TTC28: variants seen among roughly 807,000 people sequenced by gnomAD.
TTC28 encodes the protein tetratricopeptide repeat protein 28.
Under a neutral mutation model 198.0 loss-of-function variants are expected in TTC28, and 61 were observed. The ratio of observed to expected loss-of-function variants is 0.31; its 90% CI spans 0.25 to 0.38. TTC28 has a LOEUF of 0.38. TTC28 is among the 10% of genes least tolerant of loss of function. TTC28 has a pLI of 1.00. For missense variants in TTC28, 2,678 were observed against 3,164.0 expected, an observed-to-expected ratio of 0.85 and a Z score of 3.69; for synonymous variants, 1,171 against 1,297.8, an observed-to-expected ratio of 0.90 and a Z score of 2.10.
intron 12 of TTC28, among the ~76,000 whole-genome samples, chr22:28,084,623 C>A (rs537907380): frequency 9.0e-4 from 137 of 152,246 alleles, no homozygotes; most frequent in African/African-American, 3.2e-3. Context: ...TCCAAAGAAA[C>A]GCAGCTCCTC....
At chr22:27,996,436 C>G in intron 16 of TTC28, 177 bp from the exon 17 acceptor site, 1 of 791,502 alleles carries the variant, frequency 1.3e-6, no homozygotes, top group Non-Finnish European at 1.9e-6. Flanking sequence ...GATGTGGCAC[C>G]CTTTTGTCCC....
intron 2 of TTC28, among the ~76,000 whole-genome samples, chr22:28,337,319 G>T: frequency 6.6e-6 from 1 of 152,218 alleles, no homozygotes; most frequent in Non-Finnish European, 1.5e-5. Flanking sequence ...ATATTCTGTT[G>T]ATTTGGGGTG....
intron 2 of TTC28, among the ~76,000 whole-genome samples, chr22:28,341,168 T>C (rs2145906705): frequency 6.6e-6 from 1 of 152,296 alleles, no homozygotes; most frequent in East Asian, 1.9e-4. Context: ...TTCAGATGAA[T>C]TGAAGATAAA....
At chr22:28,284,578 G>C (rs943477318) in intron 5 of TTC28, among the ~76,000 whole-genome samples, 8 of 151,706 alleles carry the variant, frequency 5.3e-5, no homozygotes, top group African/African-American at 1.9e-4. Flanking sequence ...AAATGAAAAG[G>C]CAATCTACGG....
intron 13 of TTC28, chr22:28,029,099 G>A (rs924241497): frequency 1.3e-5 from 6 of 471,068 alleles, no homozygotes; most frequent in South Asian, 3.1e-5. Context: ...CCAGGCCTCC[G>A]CAAACCTGGT....
chr22:28,074,512 AG>A (rs1196621692), intron 12 of TTC28, among the ~76,000 whole-genome samples: 1 of 152,206 alleles, frequency 6.6e-6, no homozygotes, highest in Non-Finnish European at 1.5e-5. Flanking sequence ...AAGAGATAAA[AG>A]TCTGTTTCGT....
At chr22:28,653,158 C>T (rs376909878) in intron 1 of TTC28, among the ~76,000 whole-genome samples, 314 of 152,226 alleles carry the variant, frequency 2.1e-3, no homozygotes, top group Middle Eastern at 6.8e-3. Flanking sequence ...AATAAGCCTG[C>T]CATAAATTCC....
At chr22:28,168,212 G>A (rs541546790) in intron 5 of TTC28, among the ~76,000 whole-genome samples, 13 of 152,310 alleles carry the variant, frequency 8.5e-5, no homozygotes, top group African/African-American at 3.1e-4. Flanking sequence ...CTCATGGATA[G>A]GAAGAATCAA....
chr22:28,337,167 T>C (rs941348451), intron 2 of TTC28, among the ~76,000 whole-genome samples: 17 of 152,230 alleles, frequency 1.1e-4, no homozygotes, highest in Admixed American at 6.5e-5. Flanking sequence ...AGTTTCTTAA[T>C]CCTGAGATCT....
At chr22:28,503,830 C>T (rs1039657976) in intron 2 of TTC28, among the ~76,000 whole-genome samples, 6 of 152,132 alleles carry the variant, frequency 3.9e-5, no homozygotes, top group East Asian at 1.9e-4. Flanking sequence ...ACTGATCTCA[C>T]GATTGTCAGT....
intron 2 of TTC28, among the ~76,000 whole-genome samples, chr22:28,477,870 G>C (rs1045178294): frequency 6.6e-6 from 1 of 152,180 alleles, no homozygotes; most frequent in Non-Finnish European, 1.5e-5. Context: ...TTAAGGAAAA[G>C]ACATGTGGGA....
intron 2 of TTC28, among the ~76,000 whole-genome samples, chr22:28,321,713 T>G (rs1425497763): frequency 6.6e-6 from 1 of 152,150 alleles, no homozygotes; most frequent in East Asian, 1.9e-4. Context: ...TAGAAAAAGT[T>G]TTGGAAAATA....
At chr22:28,081,055 TGTCA>T (rs1941335699) in intron 12 of TTC28, among the ~76,000 whole-genome samples, 1 of 152,118 alleles carries the variant, frequency 6.6e-6, no homozygotes, top group Non-Finnish European at 1.5e-5. Context: ...TGTCTGTTTA[TGTCA>T]GTATCATATT....
chr22:28,582,179 C>T (rs926111170), intron 2 of TTC28, among the ~76,000 whole-genome samples: 41 of 151,996 alleles, frequency 2.7e-4, no homozygotes, highest in African/African-American at 9.7e-4. Context: ...CTGTCTAGTG[C>T]TGGAACTTAG....
chr22:28,567,295 G>A (rs1178267441), intron 2 of TTC28, among the ~76,000 whole-genome samples: 1 of 147,812 alleles, frequency 6.8e-6, no homozygotes, highest in Non-Finnish European at 1.5e-5. Flanking sequence ...AGGCTGATGT[G>A]AGAGGATCAA....
intron 2 of TTC28, among the ~76,000 whole-genome samples, chr22:28,442,035 G>A (rs1471445683): frequency 6.6e-6 from 1 of 152,048 alleles, no homozygotes; most frequent in African/African-American, 2.4e-5. Context: ...CTCCCTCGAC[G>A]TCCTAGGGTA....
intron 2 of TTC28, among the ~76,000 whole-genome samples, chr22:28,370,867 A>T (rs2046321666): frequency 6.6e-6 from 1 of 152,210 alleles, no homozygotes; most frequent in South Asian, 2.1e-4. Flanking sequence ...TGACTTTGTT[A>T]GAAGGCGGAA....
chr22:28,499,800 A>T (rs1997958), intron 2 of TTC28, among the ~76,000 whole-genome samples: 2 of 152,058 alleles, frequency 1.3e-5, no homozygotes, highest in Non-Finnish European at 2.9e-5. Context: ...ATTTTTGTAG[A>T]GTTTTTAAAA....
intron 2 of TTC28, among the ~76,000 whole-genome samples, chr22:28,327,563 A>G (rs2045551813): frequency 6.6e-6 from 1 of 152,260 alleles, no homozygotes; most frequent in African/African-American, 2.4e-5. Context: ...GGTTGTGACC[A>G]GAGGCTCACA....
Sources: gnomAD v4.1 joint callset for allele counts (sites outside exome capture counted in the v4.1 genomes callset) on GRCh38, gnomAD v4.1.1 for gene constraint, MANE v1.5 for transcripts, NCBI Gene and HGNC (gene_info 2026-07-23, HGNC 2026-07-21) for gene names.